LDLRAP1: variants seen among roughly 807,000 people sequenced by gnomAD.
LDLRAP1 encodes low density lipoprotein receptor adaptor protein 1.
In LDLRAP1, 30 loss-of-function variants were observed where a neutral mutation model predicts 37.8. The ratio of observed to expected loss-of-function variants is 0.79; its 90% CI spans 0.59 to 1.08. The LOEUF is 1.08. Among genes scored for constraint, LDLRAP1 ranks in the 50% least tolerant of loss-of-function variants. LDLRAP1 has a pLI of 0.00. For missense variants in LDLRAP1, 375 were observed against 401.6 expected, an observed-to-expected ratio of 0.93 and a Z score of 0.57; for synonymous variants, 156 against 169.8, an observed-to-expected ratio of 0.92 and a Z score of 0.63.
the LDLRAP1 span, among the ~76,000 whole-genome samples, chr1:25,580,676 C>T: frequency 0.03 from 4,506 of 152,174 alleles, 79 homozygotes; most frequent in African/African-American, 0.049. Context: ...ACCTGGCTAA[C>T]TTTTTAATTT....
At chr1:25,563,023 G>C (rs2044381405) in intron 5 of LDLRAP1, 47 bp from the exon 6 acceptor site, 1 of 1,556,760 alleles carries the variant, frequency 6.4e-7, no homozygotes, top group Admixed American at 1.7e-5. Context: ...GCTGGGGACA[G>C]AGTGCTGGGG....
chr1:25,566,840 C>T lies in LDLRAP1; in HGVS notation c.783-8C>T. The stretch of plus-strand genomic sequence containing the variant: ...CAGGCTCTCGGCTCACACAGCTCTG[C>T]CTTCCAGGCTTGCCCAGTCTCGGAC... On this transcript the variant is annotated splice_region_variant and splice_polypyrimidine_tract_variant and intron_variant, in intron 8 of 8. Coordinates refer to ENST00000374338, the MANE Select transcript of LDLRAP1 (RefSeq NM_015627.3). 1 of 1,606,288 alleles carries T rather than the reference C, an allele frequency of 6.2e-7. No homozygotes were observed. The highest frequency in any genetic ancestry group is 8.5e-7 in the Non-Finnish European group (1 of 1,176,790).
In LDLRAP1 at chr1:25,554,582, G is replaced by T. The variant is rs1486546900; in HGVS notation, c.232-278G>T. ...AGTCTGCAGGCCCTTCTAGCTGTGT[G>T]TCCTTGGGTAAGTCCCTTAGCCTCT... On this transcript the variant is annotated intron_variant, in intron 2 of 8. Coordinates refer to ENST00000374338, the MANE Select transcript of LDLRAP1 (RefSeq NM_015627.3). The surrounding 1 kb of genome is among the most constrained non-coding windows in gnomAD (Gnocchi z 5.4). Among the ~76,000 whole-genome samples the T allele has an allele frequency of 6.6e-6, 1 of 152,244 alleles. No homozygotes were observed. The highest frequency in any genetic ancestry group is 2.4e-5 in the African/African-American group (1 of 41,468).
chr1:25,550,410 G>A (rs935028455), intron 1 of LDLRAP1, among the ~76,000 whole-genome samples: 5 of 152,338 alleles, frequency 3.3e-5, no homozygotes, highest in Middle Eastern at 3.4e-3. Flanking sequence ...AGGCTTCCTG[G>A]AAGAGGTTGG....
chr1:25,585,657 G>C, the LDLRAP1 span, among the ~76,000 whole-genome samples: 1 of 152,194 alleles, frequency 6.6e-6, no homozygotes, highest in Admixed American at 6.5e-5. Context: ...TCCAGAGTTG[G>C]AACTGGCCTC....
At chr1:25,546,526 A>G (rs1257563266) in intron 1 of LDLRAP1, among the ~76,000 whole-genome samples, 2 of 152,070 alleles carry the variant, frequency 1.3e-5, no homozygotes, top group Admixed American at 6.5e-5. Flanking sequence ...GGAGACATCA[A>G]TATTTTATCT....
chr1:25,574,398 AAG>A, the LDLRAP1 span, among the ~76,000 whole-genome samples: 1 of 152,222 alleles, frequency 6.6e-6, no homozygotes, highest in East Asian at 1.9e-4. Flanking sequence ...GGTCAAGCCC[AAG>A]AGAGAGCAAC....
At chr1:25,586,065 G>A in the LDLRAP1 span, among the ~76,000 whole-genome samples, 1 of 152,156 alleles carries the variant, frequency 6.6e-6, no homozygotes, top group East Asian at 1.9e-4. The surrounding 1 kb of genome is among the most constrained non-coding windows in gnomAD (Gnocchi z 4.3). Flanking sequence ...CCAGCACCAA[G>A]CCCAGGGCTG....
In LDLRAP1 at chr1:25,567,086, C is replaced by T; in HGVS notation, c.*94C>T. ...GCCAGTTCTGGGGCCCGCCTGCCACCTCTCCCAGCCCTCAGCATTGTCAGC... is the reference window on the plus strand; with the variant it reads ...GCCAGTTCTGGGGCCCGCCTGCCACTTCTCCCAGCCCTCAGCATTGTCAGC... On this transcript the variant is annotated 3_prime_UTR_variant, in exon 9 of 9. Coordinates refer to ENST00000374338, the MANE Select transcript of LDLRAP1 (RefSeq NM_015627.3). 6.9e-7 allele frequency: 1 copy of T among 1,451,486 alleles called. No individual in the cohort carries two copies. Among genetic ancestry groups the T allele is most frequent in the Admixed American group, 1.8e-5 (1 of 55,650 alleles). The allele number at this position is 1,451,486 out of a possible 1,614,324, so 89.9% of individuals were successfully genotyped here. A position where few individuals can be genotyped will look rare whatever the true frequency, so the allele number is the denominator to read the frequency against.
rs540726468 is a variant in LDLRAP1 at position 25,543,634 on chromosome 1, C to A, written c.-65C>A. On this transcript the variant is annotated 5_prime_UTR_variant, in exon 1 of 9. Coordinates refer to ENST00000374338, the MANE Select transcript of LDLRAP1 (RefSeq NM_015627.3). ...GCGCGCAGCCCGCGCGCCGCAGGGC[C>A]GGGCGGAAAGTTTTTCCTGACGGAG... 1.6e-4 allele frequency: 177 copies of A among 1,128,338 alleles called. No homozygotes were observed. The African/African-American group carries it at 2.6e-3, about 16-fold the overall frequency. The allele number at this position is 1,128,338 out of a possible 1,614,324, so 69.9% of individuals were successfully genotyped here.
the LDLRAP1 span, among the ~76,000 whole-genome samples, chr1:25,588,485 G>A: frequency 6.6e-6 from 1 of 152,192 alleles, no homozygotes; most frequent in African/African-American, 2.4e-5. Context: ...GCATTGAGAT[G>A]TTTATGTGTA....
chr1:25,569,933 C>T (rs149719543), downstream of LDLRAP1, among the ~76,000 whole-genome samples: 309 of 152,272 alleles, frequency 2.0e-3, 2 homozygotes, highest in Middle Eastern at 0.01. Context: ...ATATGCTGCC[C>T]GAGACCACCT....
rs1196953597 is a variant in LDLRAP1, at chr1:25,565,161, G to GT, written c.748-8dup. The GT allele has an allele frequency of 5.0e-6, 8 of 1,614,106 alleles. No individual in the cohort carries two copies. The South Asian group carries it at 8.8e-5, about 18-fold the overall frequency. The stretch of plus-strand genomic sequence containing the variant: ...AAACATAGTTCTTATCTCCTGCTTT[G>GT]TTTTCCCCAAGGAGCTGGATGATGG... On this transcript the variant is annotated splice_polypyrimidine_tract_variant and intron_variant, in intron 7 of 8. Coordinates refer to ENST00000374338, the MANE Select transcript of LDLRAP1 (RefSeq NM_015627.3).
At chr1:25,553,102 C>G (rs2044113532) in intron 1 of LDLRAP1, among the ~76,000 whole-genome samples, 1 of 152,148 alleles carries the variant, frequency 6.6e-6, no homozygotes, top group Non-Finnish European at 1.5e-5. Context: ...TCCCACATGC[C>G]CCTGTTGGTC....
intron 6 of LDLRAP1, 84 bp downstream of exon 6, chr1:25,563,237 G>A (rs959225481): frequency 2.7e-6 from 3 of 1,103,764 alleles, no homozygotes; most frequent in East Asian, 2.4e-5. Context: ...TGCCTGGGCT[G>A]GGAGAGCCTC....
chr1:25,577,586 G>A, the LDLRAP1 span, among the ~76,000 whole-genome samples: 1 of 152,240 alleles, frequency 6.6e-6, no homozygotes, highest in East Asian at 1.9e-4. Flanking sequence ...ACAGCAGGGA[G>A]GCCTGCGGTG....
chr1:25,553,212 CTT>C (rs2044117105), intron 1 of LDLRAP1, among the ~76,000 whole-genome samples: 1 of 152,338 alleles, frequency 6.6e-6, no homozygotes, highest in South Asian at 2.1e-4. Flanking sequence ...CATCTCATGA[CTT>C]TGCCTCCCTG....
chr1:25,575,204 T>C, the LDLRAP1 span, among the ~76,000 whole-genome samples: 43 of 152,084 alleles, frequency 2.8e-4, no homozygotes, highest in Non-Finnish European at 5.6e-4. Flanking sequence ...AAGAGTCAGA[T>C]CTCTAAACCT....
At chr1:25,557,511 T>C (rs2044235964) in intron 4 of LDLRAP1, 2 of 572,596 alleles carry the variant, frequency 3.5e-6, no homozygotes, top group Non-Finnish European at 6.3e-6. Context: ...CCCCAGTGTG[T>C]GTCTGGGCCT....
Sources: allele counts gnomAD v4.1 joint callset (sites outside exome capture counted in the v4.1 genomes callset), GRCh38; gene constraint gnomAD v4.1.1; non-coding constraint Gnocchi (gnomAD v3.1); transcripts MANE v1.5; gene names NCBI Gene and HGNC (gene_info 2026-07-23, HGNC 2026-07-21).